TMC2: variants seen among roughly 807,000 people sequenced by gnomAD.
The protein encoded by TMC2 is transmembrane channel-like protein 2.
A neutral mutation model predicts 105.9 loss-of-function variants in TMC2; 102 were observed. That is an observed-to-expected ratio of 0.96 (90% CI 0.82 to 1.14). The LOEUF is 1.14. Ranked by LOEUF, TMC2 falls within the 50% of genes most tolerant of loss-of-function variation. The pLI is 0.00. For missense variants in TMC2, 1,093 were observed against 1,134.3 expected (o/e 0.96, Z 0.52); for synonymous variants, 402 against 422.8 (o/e 0.95, Z 0.60).
At chr20:2,583,507 G>A (rs2086210161) in intron 7 of TMC2, among the ~76,000 whole-genome samples, 1 of 149,638 alleles carries the variant, frequency 6.7e-6, no homozygotes, top group South Asian at 2.1e-4. Context: ...CTGTCACCCA[G>A]GCTGAAGTGC....
chr20:2,626,771 C>T (rs1423277623), intron 17 of TMC2, among the ~76,000 whole-genome samples: 3 of 152,234 alleles, frequency 2.0e-5, no homozygotes, highest in Non-Finnish European at 4.4e-5. Flanking sequence ...TGAAAGCCTA[C>T]AGTGTTTACC....
At chr20:2,634,040 T>C (rs2086624062) in intron 17 of TMC2, among the ~76,000 whole-genome samples, 1 of 152,242 alleles carries the variant, frequency 6.6e-6, no homozygotes, top group African/African-American at 2.4e-5. Context: ...CCTCTTTGAC[T>C]ATCATCTTTG....
At chr20:2,554,578 A>G (rs950063002) in intron 2 of TMC2, among the ~76,000 whole-genome samples, 3 of 152,220 alleles carry the variant, frequency 2.0e-5, no homozygotes, top group African/African-American at 7.2e-5. Context: ...ATTCAATGCT[A>G]TGAGTTTCTT....
chr20:2,579,197 C>T lies in TMC2; in HGVS notation c.697C>T (p.Pro233Ser), dbSNP rs752114321. 1.9e-6 allele frequency: 3 copies of T among 1,603,762 alleles called. No homozygotes were observed. The highest frequency in any genetic ancestry group is 1.7e-6 in the Non-Finnish European group (2 of 1,170,892). The stretch of plus-strand genomic sequence containing the variant: ...TGATAATTTCAAGACTCAATGTATC[C>T]CCTGGGAAATGAAGATCAAGGACAT... ...DFDNFKTQCI[P>S]WEMKIKDIES... Residue 233 changes from proline to serine, a missense_variant, in exon 6 of 20, where the codon CCC becomes TCC. By Grantham distance (74) the Pro-to-Ser change is moderately conservative (BLOSUM62 -1). Coordinates refer to ENST00000358864, the MANE Select transcript of TMC2 (RefSeq NM_080751.3).
intron 8 of TMC2, among the ~76,000 whole-genome samples, chr20:2,594,225 C>T (rs2086288121): frequency 1.8e-5 from 2 of 113,760 alleles, no homozygotes; most frequent in African/African-American, 3.2e-5. Flanking sequence ...CTAAGGATTC[C>T]TTTTTTTTTT....
chr20:2,631,250 T>A (rs928385766), intron 17 of TMC2, among the ~76,000 whole-genome samples: 1 of 152,238 alleles, frequency 6.6e-6, no homozygotes, highest in Non-Finnish European at 1.5e-5. Flanking sequence ...CCACACAAAT[T>A]ACATCTTTAT....
intron 7 of TMC2, among the ~76,000 whole-genome samples, chr20:2,589,211 A>G (rs1402819109): frequency 6.6e-6 from 1 of 150,432 alleles, no homozygotes; most frequent in African/African-American, 2.5e-5. Context: ...TTTCTGAGTA[A>G]AATCTTCCCA....
chr20:2,599,539 A>ATTTTTTTTTT (rs11409325), intron 10 of TMC2, among the ~76,000 whole-genome samples: 8 of 85,514 alleles, frequency 9.4e-5, no homozygotes, highest in East Asian at 3.8e-4. Flanking sequence ...CTTTAATTAC[A>ATTTTTTTTTT]TTTTTTTTTT....
rs532992179 is a variant in TMC2 at position 2,611,091 on chromosome 20, T to G, written c.1593+493T>G. On this transcript the variant is annotated intron_variant, in intron 12 of 19. Transcript: ENST00000358864. ...GACTTCATTACAGCACGCTGTGGGA[T>G]GTGCTTCAGTAGTGGCAAGCCCAGG... 2.8e-4 allele frequency among the ~76,000 whole-genome samples: 43 copies of G among 152,298 alleles called. No homozygotes were observed. The East Asian group carries it at 7.9e-3, about 28-fold the overall frequency.
intron 16 of TMC2, among the ~76,000 whole-genome samples, chr20:2,623,286 C>A (rs59766089): frequency 6.6e-5 from 10 of 152,028 alleles, no homozygotes; most frequent in African/African-American, 2.4e-4. Context: ...GCCTGTAATC[C>A]CAGCACTTTG....
chr20:2,591,841 A>G (rs1483782290), intron 7 of TMC2, among the ~76,000 whole-genome samples: 1 of 152,156 alleles, frequency 6.6e-6, no homozygotes, highest in Non-Finnish European at 1.5e-5. Flanking sequence ...AAATCAGGAA[A>G]GCGATCAATG....
Position 2,613,348 on chromosome 20 carries a change from C to A in TMC2, c.1872+26C>A, listed in dbSNP as rs374589551. ...GTAGGTCACCACTTCATGGACATTC[C>A]GCACAAAGGAATTTCAACTATCTTC... On this transcript the variant is annotated intron_variant, in intron 14 of 19. Transcript: ENST00000358864. The A allele has an allele frequency of 6.2e-6, 10 of 1,613,700 alleles. No homozygotes were observed. The African/African-American group carries it at 6.7e-5, about 11-fold the overall frequency.
intron 17 of TMC2, among the ~76,000 whole-genome samples, chr20:2,634,836 T>C (rs1297633334): frequency 6.6e-6 from 1 of 152,196 alleles, no homozygotes; most frequent in East Asian, 1.9e-4. Context: ...CCCTCACCTA[T>C]AGTTCTCTGA....
intron 17 of TMC2, among the ~76,000 whole-genome samples, chr20:2,626,984 G>C (rs969153477): frequency 2.6e-5 from 4 of 152,212 alleles, no homozygotes; most frequent in Non-Finnish European, 4.4e-5. Flanking sequence ...GGAGGAGGAG[G>C]TAACGATTGG....
At chr20:2,634,727 T>TA (rs549757310) in intron 17 of TMC2, among the ~76,000 whole-genome samples, 141 of 152,238 alleles carry the variant, frequency 9.3e-4, no homozygotes, top group African/African-American at 3.0e-3. Flanking sequence ...ATTCCTCCCT[T>TA]AAAAAAATGG....
chr20:2,621,584 A>G (rs1326034075), intron 16 of TMC2, among the ~76,000 whole-genome samples: 5 of 141,334 alleles, frequency 3.5e-5, no homozygotes, highest in East Asian at 4.4e-4. Context: ...CAGGAGAATC[A>G]CTTGAACCCG....
At chr20:2,582,885 T>C (rs908598249) in intron 7 of TMC2, among the ~76,000 whole-genome samples, 3 of 152,222 alleles carry the variant, frequency 2.0e-5, no homozygotes, top group African/African-American at 7.2e-5. Context: ...ATGAGCCTTG[T>C]TTATCTTTAA....
chr20:2,559,786 C>A (rs2086012436), intron 3 of TMC2, among the ~76,000 whole-genome samples: 1 of 152,078 alleles, frequency 6.6e-6, no homozygotes, highest in South Asian at 2.1e-4. Flanking sequence ...CAGACATGAA[C>A]TAAAGAGGTA....
At chr20:2,622,016 G>A (rs970750800) in intron 16 of TMC2, among the ~76,000 whole-genome samples, 4 of 152,126 alleles carry the variant, frequency 2.6e-5, no homozygotes, top group African/African-American at 9.7e-5. Flanking sequence ...TACATGGCGG[G>A]TATGCACTGG....
Sources: gnomAD v4.1 joint callset for allele counts (sites outside exome capture counted in the v4.1 genomes callset) on GRCh38, gnomAD v4.1.1 for gene constraint, MANE v1.5 for transcripts, NCBI Gene and HGNC (gene_info 2026-07-23, HGNC 2026-07-21) for gene names.